The following THEM4 variants were observed in gnomAD, a reference collection of about 807,000 sequenced individuals.
The protein encoded by THEM4 is thioesterase superfamily member 4, also known as acyl-coenzyme A thioesterase THEM4.
Under a neutral mutation model 25.0 loss-of-function variants are expected in THEM4, and 22 were observed. That is an observed-to-expected ratio of 0.88 (90% CI 0.63 to 1.26). The LOEUF is 1.26. Ranked by LOEUF, THEM4 falls within the 50% of genes most tolerant of loss-of-function variation. The pLI is 0.00. For missense variants in THEM4, 286 were observed against 300.3 expected (o/e 0.95, Z 0.35); for synonymous variants, 113 against 105.6 (o/e 1.07, Z -0.43).
chr1:151,895,545 G>A (rs1429725455), intron 1 of THEM4, among the ~76,000 whole-genome samples: 2 of 152,162 alleles, frequency 1.3e-5, no homozygotes, highest in Admixed American at 6.6e-5. Flanking sequence ...TGTTGAAAGT[G>A]CTTCCAGTGG....
intron 2 of THEM4, 89 bp from the exon 3 acceptor site, chr1:151,889,462 CAT>C (rs1286075300): frequency 8.4e-6 from 11 of 1,312,122 alleles, no homozygotes. Context: ...GCTAGAATCA[CAT>C]GTCAATAGAT....
Position 151,874,824 on chromosome 1 carries a change from G to A in THEM4, c.*64C>T, listed in dbSNP as rs375891635. Reference sequence around the variant, plus strand: ...AGGGATTCAGCAGTGAGGGAGCAGAGTATTTGGGGGACAACTGCTTCTTCT... The same window carrying A: ...AGGGATTCAGCAGTGAGGGAGCAGAATATTTGGGGGACAACTGCTTCTTCT... On this transcript the variant is annotated 3_prime_UTR_variant, in exon 6 of 6. Transcript: ENST00000368814. 1.2e-5 allele frequency: 17 copies of A among 1,477,880 alleles called. No homozygotes were observed. Among genetic ancestry groups the A allele is most frequent in the South Asian group, 3.4e-5 (3 of 88,308 alleles). The allele number at this position is 1,477,880 out of a possible 1,614,324, so 91.5% of individuals were successfully genotyped here. A position where few individuals can be genotyped will look rare whatever the true frequency, so the allele number is the denominator to read the frequency against.
At chr1:151,902,947 C>T (rs1654382172) in intron 1 of THEM4, among the ~76,000 whole-genome samples, 1 of 152,128 alleles carries the variant, frequency 6.6e-6, no homozygotes, top group African/African-American at 2.4e-5. Context: ...AAGACTGCAC[C>T]ACTGCACTCC....
At chr1:151,884,297 T>C (rs1189657534) in intron 4 of THEM4, among the ~76,000 whole-genome samples, 4 of 152,130 alleles carry the variant, frequency 2.6e-5, no homozygotes, top group Non-Finnish European at 4.4e-5. Context: ...AAGAAAACTA[T>C]TGAGTGTATT....
intron 1 of THEM4, among the ~76,000 whole-genome samples, chr1:151,900,338 A>G (rs1188511410): frequency 1.3e-5 from 2 of 152,222 alleles, no homozygotes; most frequent in South Asian, 2.1e-4. Context: ...CATTTCAATA[A>G]TAACATTGAA....
At chr1:151,888,840 A>C (rs1054552449) in intron 3 of THEM4, among the ~76,000 whole-genome samples, 10 of 151,748 alleles carry the variant, frequency 6.6e-5, no homozygotes, top group African/African-American at 2.4e-4. Flanking sequence ...AAAACAAAAC[A>C]AACTATACAT....
At chr1:151,876,435 A>G (rs766372152) in intron 5 of THEM4, among the ~76,000 whole-genome samples, 62 of 143,856 alleles carry the variant, frequency 4.3e-4, no homozygotes, top group Admixed American at 1.5e-3. Flanking sequence ...GTCAAAGGGC[A>G]TATCACTTTG....
intron 1 of THEM4, among the ~76,000 whole-genome samples, chr1:151,905,531 C>T (rs536163396): frequency 5.9e-5 from 9 of 152,010 alleles, no homozygotes; most frequent in Admixed American, 1.3e-4. Context: ...GAAAAACAAG[C>T]TTTCTATATG....
At position 151,877,147 on chromosome 1, in the gene THEM4, G is replaced by A. The variant is rs1558187881; in HGVS notation, c.558-22C>T. ...AGGTCTGCAGAATAAAATGAAAAAGGAAAAAAATCAGTTTTTATCTGACTT... is the reference window on the plus strand; with the variant it reads ...AGGTCTGCAGAATAAAATGAAAAAGAAAAAAAATCAGTTTTTATCTGACTT... On this transcript the variant is annotated intron_variant, in intron 4 of 5. Transcript: ENST00000368814. The A allele has an allele frequency of 6.3e-6, 10 of 1,587,118 alleles. No individual in the cohort carries two copies. In the Admixed American group the frequency reaches 1.5e-4, roughly 24 times the overall value.
Position 151,909,370 on chromosome 1 carries a change from C to A in THEM4, c.89G>T (p.Arg30Leu). ...GGTGCCCAGACTCACCAGCTCGGGTCGCGGCTCGCTTCCCGGCAGGCGCCG... is the reference window on the plus strand; with the variant it reads ...GGTGCCCAGACTCACCAGCTCGGGTAGCGGCTCGCTTCCCGGCAGGCGCCG... ...VGRRLPGSEP[R>L]PELRSFSSEE... Residue 30 changes from arginine (R) to leucine (L), a missense_variant, in exon 1 of 6, where the codon CGA (arginine) becomes CTA (leucine). By Grantham distance (102) the Arg-to-Leu change is moderately radical. Coordinates refer to ENST00000368814, the MANE Select transcript of THEM4 (RefSeq NM_053055.5). The A allele has an allele frequency of 1.3e-6, 2 of 1,509,558 alleles. No individual in the cohort carries two copies. Among genetic ancestry groups the A allele is most frequent in the South Asian group, 1.2e-5 (1 of 82,106 alleles). The allele number at this position is 1,509,558 out of a possible 1,614,324, so 93.5% of individuals were successfully genotyped here.
intron 1 of THEM4, among the ~76,000 whole-genome samples, chr1:151,906,267 G>A (rs1387888662): frequency 6.6e-6 from 1 of 152,230 alleles, no homozygotes; most frequent in Non-Finnish European, 1.5e-5. Flanking sequence ...GCAATGAGGG[G>A]CTTAGCACCC....
At chr1:151,908,321 G>T (rs1372423350) in intron 1 of THEM4, among the ~76,000 whole-genome samples, 2 of 152,202 alleles carry the variant, frequency 1.3e-5, no homozygotes, top group African/African-American at 4.8e-5. Context: ...AGCAAACTTC[G>T]CTGCAGGCCT....
intron 1 of THEM4, among the ~76,000 whole-genome samples, chr1:151,899,852 C>A (rs1654313592): frequency 6.6e-6 from 1 of 152,140 alleles, no homozygotes; most frequent in Non-Finnish European, 1.5e-5. Context: ...GACACATTGT[C>A]ATCAGGTTAT....
chr1:151,905,586 G>A (rs1043592366), intron 1 of THEM4, among the ~76,000 whole-genome samples: 12 of 152,136 alleles, frequency 7.9e-5, no homozygotes, highest in Non-Finnish European at 2.9e-5. Flanking sequence ...GCCCTGACCC[G>A]GGTGTAGTCT....
intron 1 of THEM4, among the ~76,000 whole-genome samples, chr1:151,902,830 A>G (rs889889701): frequency 1.3e-5 from 2 of 152,102 alleles, no homozygotes; most frequent in African/African-American, 4.8e-5. Flanking sequence ...TCTACAAAAA[A>G]TACAAAAATT....
At position 151,876,592 on chromosome 1, in the gene THEM4, C is replaced by T. The variant is rs1003172108; in HGVS notation, c.682+409G>A. 1.3e-3 allele frequency among the ~76,000 whole-genome samples: 195 copies of T among 151,894 alleles called. 3 individuals carry two copies. Among genetic ancestry groups the T allele is most frequent in the Non-Finnish European group, 1.9e-4 (13 of 67,950 alleles). On this transcript the variant is annotated intron_variant, in intron 5 of 5. Coordinates refer to ENST00000368814, the MANE Select transcript of THEM4 (RefSeq NM_053055.5). ...CCTCCCAAGTAGCTGGGACTACAGG[C>T]GCACACTACCATGCCCCGCTAATTT...
chr1:151,884,687 G>GTTTTTTTTTTTTTTTTTTTTT (rs11371460), intron 4 of THEM4, among the ~76,000 whole-genome samples: 1 of 146,504 alleles, frequency 6.8e-6, no homozygotes. Context: ...CCTTTTTTTT[G>GTTTTTTTTTTTTTTTTTTTTT]TTTTTTTTTT....
intron 4 of THEM4, among the ~76,000 whole-genome samples, chr1:151,881,024 CTTATT>C (rs1653800659): frequency 6.6e-6 from 1 of 151,932 alleles, no homozygotes. Flanking sequence ...CTCATTTTCT[CTTATT>C]TTAATCATTC....
intron 4 of THEM4, among the ~76,000 whole-genome samples, chr1:151,886,525 T>A (rs996873148): frequency 2.0e-5 from 3 of 152,126 alleles, no homozygotes; most frequent in African/African-American, 4.8e-5. Context: ...ATATAAAAAA[T>A]TTAATTTTTA....
Sources: allele counts gnomAD v4.1 joint callset (sites outside exome capture counted in the v4.1 genomes callset), GRCh38; gene constraint gnomAD v4.1.1; transcripts MANE v1.5; gene names NCBI Gene and HGNC (gene_info 2026-07-23, HGNC 2026-07-21).